The following CARMIL1 variants were observed in gnomAD, a reference collection of about 807,000 sequenced individuals.
CARMIL1 encodes capping protein regulator and myosin 1 linker 1.
Under a neutral mutation model 177.1 loss-of-function variants are expected in CARMIL1, and 90 were observed. That is an observed-to-expected ratio of 0.51 (90% CI 0.43 to 0.61). The LOEUF (loss-of-function observed/expected upper bound fraction) is 0.61, where lower values mean the gene tolerates loss of function less well. Ranked by LOEUF, CARMIL1 falls within the 20% of genes least tolerant of loss-of-function variation. CARMIL1 has a pLI of 0.00. For missense variants in CARMIL1, 1,380 were observed against 1,667.0 expected (o/e 0.83, Z 3.00); for synonymous variants, 577 against 606.2 (o/e 0.95, Z 0.71).
At chr6:25,604,703 G>A (rs972807051) in intron 33 of CARMIL1, 109 bp from the exon 34 acceptor site, 18 of 811,360 alleles carry the variant, frequency 2.2e-5, no homozygotes, top group Non-Finnish European at 3.2e-5. Flanking sequence ...CATAACAGCA[G>A]CTGAGTTAAA....
At chr6:25,394,560 G>C (rs182789274) in intron 2 of CARMIL1, among the ~76,000 whole-genome samples, 2 of 152,200 alleles carry the variant, frequency 1.3e-5, no homozygotes, top group African/African-American at 2.4e-5. Context: ...TTGTGATTCA[G>C]GTTGGTTTAA....
At chr6:25,356,759 G>A (rs1788663988) in intron 2 of CARMIL1, among the ~76,000 whole-genome samples, 2 of 152,182 alleles carry the variant, frequency 1.3e-5, no homozygotes. Context: ...TTTGCTGCTA[G>A]AGTCTTGTAT....
At chr6:25,369,339 C>T (rs1458026661) in intron 2 of CARMIL1, among the ~76,000 whole-genome samples, 1 of 148,578 alleles carries the variant, frequency 6.7e-6, no homozygotes, top group Non-Finnish European at 1.5e-5. Context: ...ATTGATCGCT[C>T]TTGCAGTCAG....
At chr6:25,459,210 T>TTTTCTTTCTTTCTTTTTC (rs1799797762) in intron 8 of CARMIL1, among the ~76,000 whole-genome samples, 1 of 80,136 alleles carries the variant, frequency 1.2e-5, no homozygotes, top group Non-Finnish European at 2.5e-5. Context: ...GATCCCAACT[T>TTTTCTTTCTTTCTTTTTC]TTTCTTTCTT....
At chr6:25,484,629 A>T (rs1021787399) in intron 12 of CARMIL1, among the ~76,000 whole-genome samples, 1 of 152,216 alleles carries the variant, frequency 6.6e-6, no homozygotes, top group African/African-American at 2.4e-5. Context: ...TGTAGTACAC[A>T]TTTATGGTAA....
chr6:25,284,439 G>T (rs1354203473), intron 1 of CARMIL1, among the ~76,000 whole-genome samples: 1 of 152,212 alleles, frequency 6.6e-6, no homozygotes, highest in Non-Finnish European at 1.5e-5. Flanking sequence ...GTCGGGCACG[G>T]TGGCTCATGC....
At chr6:25,548,714 T>C (rs944568281) in intron 26 of CARMIL1, among the ~76,000 whole-genome samples, 5 of 152,138 alleles carry the variant, frequency 3.3e-5, no homozygotes, top group East Asian at 3.9e-4. Flanking sequence ...AACAAACTTA[T>C]AAGTAATGAA....
chr6:25,324,656 G>A (rs2150250140), intron 2 of CARMIL1, among the ~76,000 whole-genome samples: 1 of 152,256 alleles, frequency 6.6e-6, no homozygotes, highest in South Asian at 2.1e-4. Context: ...AAAGCAACAA[G>A]CAAAGCAAAT....
intron 10 of CARMIL1, 77 bp from the exon 11 acceptor site, chr6:25,472,350 C>G: frequency 1.0e-6 from 1 of 996,028 alleles, no homozygotes; most frequent in Non-Finnish European, 1.5e-6. Flanking sequence ...AGATTTCACT[C>G]TGTTCTAAGC....
At chr6:25,563,555 C>A (rs866749564) in intron 29 of CARMIL1, 38 of 985,296 alleles carry the variant, frequency 3.9e-5, no homozygotes, top group Non-Finnish European at 4.6e-5. Context: ...GAGGAGGAGG[C>A]AGTTGTACTT....
chr6:25,586,813 G>A (rs1454421182), intron 31 of CARMIL1, among the ~76,000 whole-genome samples: 1 of 152,064 alleles, frequency 6.6e-6, no homozygotes, highest in East Asian at 1.9e-4. Context: ...AACCAGTCAG[G>A]CGTGGCGGCG....
intron 11 of CARMIL1, among the ~76,000 whole-genome samples, chr6:25,481,003 T>G (rs9467524): frequency 0.13 from 19,423 of 151,992 alleles, 1,334 homozygotes; most frequent in East Asian, 0.21. Flanking sequence ...ATTTTTTTAT[T>G]TGTCCCCTTT....
At chr6:25,311,749 C>G (rs1027467621) in intron 2 of CARMIL1, among the ~76,000 whole-genome samples, 1 of 152,110 alleles carries the variant, frequency 6.6e-6, no homozygotes, top group Non-Finnish European at 1.5e-5. Context: ...CAATGGCACA[C>G]TTAGTTTAGA....
intron 29 of CARMIL1, among the ~76,000 whole-genome samples, chr6:25,578,470 T>C (rs1184350441): frequency 6.6e-6 from 1 of 152,170 alleles, no homozygotes; most frequent in East Asian, 1.9e-4. Flanking sequence ...TTATATTTCC[T>C]CTTGCTTTAG....
chr6:25,310,624 G>A (rs1019047620), intron 2 of CARMIL1, among the ~76,000 whole-genome samples: 4 of 152,118 alleles, frequency 2.6e-5, no homozygotes, highest in African/African-American at 9.7e-5. Context: ...CTGCTCTAGG[G>A]ATTTTTTAAA....
intron 2 of CARMIL1, among the ~76,000 whole-genome samples, chr6:25,306,879 C>CTTTTTTT (rs35585232): frequency 2.8e-5 from 3 of 105,948 alleles, no homozygotes; most frequent in Non-Finnish European, 5.7e-5. Flanking sequence ...AGTGCCTTGG[C>CTTTTTTT]TTTTTTTTTT....
intron 13 of CARMIL1, among the ~76,000 whole-genome samples, chr6:25,489,269 T>G (rs1299654751): frequency 2.0e-5 from 3 of 152,136 alleles, no homozygotes; most frequent in Non-Finnish European, 4.4e-5. Flanking sequence ...ATTATTATTA[T>G]TGTTACTGGG....
rs569986640 is a variant in CARMIL1, at chr6:25,352,007, G to A, written c.138+67098G>A. 1.1e-4 allele frequency among the ~76,000 whole-genome samples: 16 copies of A among 152,124 alleles called. No individual in the cohort carries two copies. The East Asian group carries it at 2.9e-3, about 28-fold the overall frequency. On this transcript the variant is annotated intron_variant, in intron 2 of 36. Coordinates refer to ENST00000329474, the MANE Select transcript of CARMIL1 (RefSeq NM_017640.6). ...AAATAGATTTTTTTTCTATTCACTA[G>A]TTTCATGGCATAGGTTTTTATTGTA...
chr6:25,356,098 C>A (rs539117082), intron 2 of CARMIL1, among the ~76,000 whole-genome samples: 1 of 150,722 alleles, frequency 6.6e-6, no homozygotes, highest in African/African-American at 2.4e-5. Context: ...TCGCCCAGGC[C>A]GGACTGCGGA....
Sources: gnomAD v4.1 joint callset for allele counts (sites outside exome capture counted in the v4.1 genomes callset) on GRCh38, gnomAD v4.1.1 for gene constraint, MANE v1.5 for transcripts, NCBI Gene and HGNC (gene_info 2026-07-23, HGNC 2026-07-21) for gene names.